DAB2IP: variants seen among roughly 807,000 people sequenced by gnomAD.
DAB2IP encodes DAB2 interacting protein.
DAB2IP carries 28 observed loss-of-function variants against 107.2 expected under a neutral mutation model. The observed-to-expected ratio is 0.26, with a 90% CI of 0.19 to 0.36. The LOEUF is 0.36. Among genes scored for constraint, DAB2IP ranks in the 10% least tolerant of loss-of-function variants. DAB2IP has a pLI of 1.00. For missense variants in DAB2IP, 1,400 were observed against 1,644.7 expected, an observed-to-expected ratio of 0.85 and a Z score of 2.57; for synonymous variants, 755 against 706.4, an observed-to-expected ratio of 1.07 and a Z score of -1.09.
At chr9:121,691,866 A>G (rs569226770) in intron 2 of DAB2IP, among the ~76,000 whole-genome samples, 1 of 152,368 alleles carries the variant, frequency 6.6e-6, no homozygotes, top group Admixed American at 6.5e-5. Context: ...ACTGATGGGC[A>G]GGAGAAATGT....
chr9:121,781,588 A>C, intron 15 of DAB2IP, 37 bp downstream of exon 15: 1 of 1,601,490 alleles, frequency 6.2e-7, no homozygotes, highest in Non-Finnish European at 8.5e-7. Context: ...CACAAGAGTT[A>C]AAGGGCCTGG....
In DAB2IP at chr9:121,774,269, C is replaced by T. The variant is rs1348442012; in HGVS notation, c.2977C>T (p.Pro993Ser). The T allele has an allele frequency of 2.0e-5, 33 of 1,611,176 alleles. No individual in the cohort carries two copies. The highest frequency in any genetic ancestry group is 5.5e-5 in the South Asian group (5 of 90,766). ...CTGTGTTTCATTGTAGGGCCCTTCA[C>T]CTGTGAGCCCCAATGCCCTGGACCG... The change falls in exon 13 of 16, where the codon CCT (proline) becomes TCT (serine). Residue 993 changes from proline (P) to serine (S), a missense_variant. Pro to Ser is a moderately conservative substitution (Grantham distance 74). This residue lies in a region of DAB2IP where 600 missense variants were observed against 659.1 expected (regional missense o/e 0.91). Coordinates refer to ENST00000408936, the Ensembl canonical transcript of DAB2IP.
intron 1 of DAB2IP, among the ~76,000 whole-genome samples, chr9:121,583,173 G>A (rs925721859): frequency 6.6e-6 from 1 of 152,220 alleles, no homozygotes; most frequent in African/African-American, 2.4e-5. Flanking sequence ...GATCACTTAA[G>A]GTCAGCAGTT....
At position 121,733,893 on chromosome 9, in the gene DAB2IP, G is replaced by C. The variant is rs150131623; in HGVS notation, c.363-23120G>C. 5.0e-3 allele frequency among the ~76,000 whole-genome samples: 754 copies of C among 152,322 alleles called. 4 individuals are homozygous for C. The highest frequency in any genetic ancestry group is 8.0e-3 in the Non-Finnish European group (546 of 68,020). ...GACTGTTCCCTGTGATAAGCTCCAG[G>C]TATAAAGGTGAGGAGTGTGCAGGGA... On this transcript the variant is annotated intron_variant, in intron 3 of 15. Transcript: ENST00000408936.
chr9:121,602,380 C>T (rs988867721), intron 1 of DAB2IP, among the ~76,000 whole-genome samples: 1 of 152,072 alleles, frequency 6.6e-6, no homozygotes, highest in African/African-American at 2.4e-5. Context: ...GTGCCTTAGA[C>T]GAGGCCCTCG....
chr9:121,782,729 C>G lies in DAB2IP; in HGVS notation c.*231C>G. The G allele has an allele frequency of 7.2e-7, 1 of 1,391,860 alleles. No individual in the cohort carries two copies. The highest frequency in any genetic ancestry group is 9.3e-7 in the Non-Finnish European group (1 of 1,074,050). The allele number at this position is 1,391,860 out of a possible 1,614,324, so 86.2% of individuals were successfully genotyped here. On this transcript the variant is annotated 3_prime_UTR_variant, in exon 16 of 16. Transcript: ENST00000408936. The surrounding 1 kb of genome is among the most constrained non-coding windows in gnomAD (Gnocchi z 6.1). ...CCCTGTGGGGTGCGGGCAGAAGAGA[C>G]TGCACGCTGGGGAGTGGGGACAGCC...
In DAB2IP at chr9:121,569,260, T is replaced by A. The variant is rs115034133; in HGVS notation, c.40+2032T>A. ...TACATTCATCAATTTAACAATTACT[T>A]TCAGGTTCTGGACTGGGCTTTGGTG... On this transcript the variant is annotated intron_variant, in intron 1 of 16. Coordinates refer to the DAB2IP transcript ENST00000259371. Among the ~76,000 whole-genome samples, 387 of 152,340 alleles carry A rather than the reference T, an allele frequency of 2.5e-3. 3 individuals are homozygous for A. Among genetic ancestry groups the A allele is most frequent in the African/African-American group, 6.7e-3 (277 of 41,578 alleles).
In DAB2IP at chr9:121,694,269, C is replaced by G. The variant is rs141263360; in HGVS notation, c.229-5056C>G. Among the ~76,000 whole-genome samples the G allele has an allele frequency of 2.6e-3, 399 of 152,274 alleles. 2 individuals carry two copies. The highest frequency in any genetic ancestry group is 4.7e-3 in the Non-Finnish European group (323 of 68,024). ...TCTCTTGGTTACAGTCCCAGCTCTG[C>G]CACTTTCAGCAGGTGACTTAACTTC... is the stretch of plus-strand genomic sequence containing the variant. On this transcript the variant is annotated intron_variant, in intron 2 of 15. Coordinates refer to ENST00000408936, the Ensembl canonical transcript of DAB2IP.
chr9:121,741,752 A>T (rs1286928197), intron 3 of DAB2IP, among the ~76,000 whole-genome samples: 1 of 151,474 alleles, frequency 6.6e-6, no homozygotes, highest in Non-Finnish European at 1.5e-5. Context: ...TTGTGCCTCC[A>T]GCTATCCTGG....
chr9:121,588,518 A>T (rs976022143), intron 1 of DAB2IP, among the ~76,000 whole-genome samples: 4 of 137,032 alleles, frequency 2.9e-5, no homozygotes, highest in Non-Finnish European at 6.3e-5. Flanking sequence ...ACACCTGTGG[A>T]AGGGAAGGGA....
At chr9:121,749,373 T>G (rs746818081) in intron 3 of DAB2IP, among the ~76,000 whole-genome samples, 2 of 152,262 alleles carry the variant, frequency 1.3e-5, no homozygotes, top group Non-Finnish European at 2.9e-5. Flanking sequence ...CCTCTGGACC[T>G]GCCTGGCTAT....
intron 8 of DAB2IP, among the ~76,000 whole-genome samples, chr9:121,764,304 C>G (rs1449876512): frequency 6.6e-6 from 1 of 152,180 alleles, no homozygotes; most frequent in Non-Finnish European, 1.5e-5. Flanking sequence ...GGGGCCTGAG[C>G]ACCAGGCAGG....
intron 3 of DAB2IP, among the ~76,000 whole-genome samples, chr9:121,728,235 C>A (rs186447785): frequency 6.6e-6 from 1 of 152,262 alleles, no homozygotes; most frequent in African/African-American, 2.4e-5. Flanking sequence ...TCAGTTTCTT[C>A]AACTCAAAAC....
chr9:121,582,437 G>A (rs1484114913), intron 1 of DAB2IP, among the ~76,000 whole-genome samples: 1 of 152,054 alleles, frequency 6.6e-6, no homozygotes, highest in Non-Finnish European at 1.5e-5. Context: ...GAGAAGGAAG[G>A]GAAGCCCCAT....
chr9:121,773,543 G>T, intron 12 of DAB2IP, 48 bp downstream of exon 12: 1 of 1,422,858 alleles, frequency 7.0e-7, no homozygotes, highest in Non-Finnish European at 9.2e-7. Flanking sequence ...GGGCCCAGCT[G>T]GGGCTGTCAT....
intron 14 of DAB2IP, among the ~76,000 whole-genome samples, chr9:121,777,654 A>G (rs1835300425): frequency 6.6e-6 from 1 of 152,130 alleles, no homozygotes; most frequent in Non-Finnish European, 1.5e-5. Flanking sequence ...CCATATCCTT[A>G]CTGGCTTTTC....
intron 8 of DAB2IP, 99 bp downstream of exon 8, chr9:121,763,978 G>A (rs1332768069): frequency 1.5e-5 from 23 of 1,526,872 alleles, no homozygotes; most frequent in Non-Finnish European, 2.0e-5. Context: ...TGGCCCCTGA[G>A]TTGTACTGAC....
At chr9:121,659,350 G>A (rs1267730571) in intron 1 of DAB2IP, among the ~76,000 whole-genome samples, 1 of 152,192 alleles carries the variant, frequency 6.6e-6, no homozygotes, top group Non-Finnish European at 1.5e-5. Context: ...AGCGTGTACA[G>A]AGTCCTGACT....
chr9:121,573,278 T>A (rs1829992291), intron 1 of DAB2IP, among the ~76,000 whole-genome samples: 1 of 151,942 alleles, frequency 6.6e-6, no homozygotes, highest in Non-Finnish European at 1.5e-5. Flanking sequence ...GGTTTCGCCA[T>A]GTTGGTCAAG....
Sources: gnomAD v4.1 joint callset for allele counts (sites outside exome capture counted in the v4.1 genomes callset) on GRCh38, gnomAD v4.1.1 for gene constraint, gnomAD v4.1.1 regional missense constraint, Gnocchi (gnomAD v3.1) non-coding constraint, MANE v1.5 for transcripts, NCBI Gene and HGNC (gene_info 2026-07-23, HGNC 2026-07-21) for gene names.